Variants in COG5 observed in about 807,000 individuals in gnomAD.
The protein encoded by COG5 is conserved oligomeric Golgi complex subunit 5.
Under a neutral mutation model 110.4 loss-of-function variants are expected in COG5, and 86 were observed. The ratio of observed to expected loss-of-function variants is 0.78; its 90% CI spans 0.65 to 0.93. COG5 has a LOEUF of 0.93. Among genes scored for constraint, COG5 ranks in the 40% least tolerant of loss-of-function variants. The pLI, the probability that COG5 is intolerant of heterozygous loss-of-function variation, is 0.00. For missense variants in COG5, 1,077 were observed against 987.0 expected (o/e 1.09, Z -1.22); for synonymous variants, 360 against 334.6 (o/e 1.08, Z -0.83).
chr7:107,300,606 A>G (rs1360035483), intron 11 of COG5, among the ~76,000 whole-genome samples: 1 of 152,188 alleles, frequency 6.6e-6, no homozygotes, highest in Admixed American at 6.5e-5. Context: ...ATACATAGAT[A>G]TATCTGACAA....
At chr7:107,530,601 CAAAAAAAAAAAAAAA>C (rs953588412) in intron 5 of COG5, among the ~76,000 whole-genome samples, 1 of 47,768 alleles carries the variant, frequency 2.1e-5, no homozygotes, top group Non-Finnish European at 4.0e-5. Context: ...AACTCCATCT[CAAAAAAAAAAAAAAA>C]AAAAAAAAAA....
chr7:107,316,437 T>A (rs1359032666), intron 11 of COG5, among the ~76,000 whole-genome samples: 1 of 151,590 alleles, frequency 6.6e-6, no homozygotes, highest in African/African-American at 2.4e-5. Flanking sequence ...CAGGAAAAAA[T>A]TTCTTAATGA....
chr7:107,541,523 A>AAAAAAAAAAAAT (rs60423657), intron 5 of COG5, among the ~76,000 whole-genome samples: 5 of 57,022 alleles, frequency 8.8e-5, no homozygotes, highest in Admixed American at 4.8e-4. Flanking sequence ...AAAAAAAAAA[A>AAAAAAAAAAAAT]ATATATATAT....
chr7:107,348,869 T>C (rs924697663), intron 10 of COG5, among the ~76,000 whole-genome samples: 1 of 152,102 alleles, frequency 6.6e-6, no homozygotes, highest in African/African-American at 2.4e-5. Context: ...TTTTTCTTTT[T>C]TTTTTTTAAA....
intron 6 of COG5, among the ~76,000 whole-genome samples, chr7:107,457,512 G>A (rs760037803): frequency 2.0e-5 from 3 of 151,948 alleles, no homozygotes; most frequent in East Asian, 1.9e-4. Context: ...CACTGCAAGC[G>A]CCGCCTCCCA....
At chr7:107,423,495 T>A (rs1793431064) in intron 6 of COG5, among the ~76,000 whole-genome samples, 1 of 152,132 alleles carries the variant, frequency 6.6e-6, no homozygotes, top group South Asian at 2.1e-4. Flanking sequence ...GATGTTTTCA[T>A]TATCACTGAA....
At chr7:107,455,650 TGAGA>T (rs968504340) in intron 6 of COG5, among the ~76,000 whole-genome samples, 5 of 152,058 alleles carry the variant, frequency 3.3e-5, no homozygotes, top group African/African-American at 7.3e-5. Context: ...ATAACACCTG[TGAGA>T]GAGAGAGACA....
chr7:107,299,851 A>C (rs1304163713), intron 11 of COG5, among the ~76,000 whole-genome samples: 19 of 134,122 alleles, frequency 1.4e-4, no homozygotes, highest in African/African-American at 5.5e-4. Flanking sequence ...ATATATATAT[A>C]TATATATCTG....
chr7:107,406,609 T>C (rs1472311004), intron 7 of COG5, among the ~76,000 whole-genome samples: 4 of 152,086 alleles, frequency 2.6e-5, no homozygotes, highest in Admixed American at 6.5e-5. Context: ...AGAAAATACT[T>C]TCTTACTTTA....
At chr7:107,543,468 C>A (rs1221907649) in intron 5 of COG5, among the ~76,000 whole-genome samples, 4 of 152,114 alleles carry the variant, frequency 2.6e-5, no homozygotes, top group Non-Finnish European at 4.4e-5. Flanking sequence ...CATCTCCTGG[C>A]CCACTCCAAT....
intron 7 of COG5, among the ~76,000 whole-genome samples, chr7:107,384,620 A>T (rs1332052333): frequency 2.0e-5 from 3 of 152,174 alleles, no homozygotes; most frequent in African/African-American, 7.2e-5. Context: ...CGTTAGCTGA[A>T]CTAAGGAAAA....
intron 6 of COG5, among the ~76,000 whole-genome samples, chr7:107,484,544 C>T (rs1048271532): frequency 2.0e-5 from 3 of 152,094 alleles, no homozygotes; most frequent in Non-Finnish European, 4.4e-5. Context: ...TCTCATGGGC[C>T]TTACCATGTC....
intron 6 of COG5, among the ~76,000 whole-genome samples, chr7:107,502,077 A>C (rs1010719509): frequency 6.6e-6 from 1 of 152,136 alleles, no homozygotes; most frequent in Non-Finnish European, 1.5e-5. Flanking sequence ...TAAATAAATT[A>C]TTTAGTGATG....
chr7:107,262,869 GAACT>G (rs1360446569), intron 14 of COG5, among the ~76,000 whole-genome samples: 1 of 152,154 alleles, frequency 6.6e-6, no homozygotes, highest in Non-Finnish European at 1.5e-5. Flanking sequence ...CTGTAACACG[GAACT>G]AATAATACAG....
intron 12 of COG5, among the ~76,000 whole-genome samples, chr7:107,284,200 A>G (rs1199803996): frequency 2.6e-5 from 4 of 152,214 alleles, no homozygotes; most frequent in Non-Finnish European, 5.9e-5. Context: ...CTGGGATTAC[A>G]CGTGTGAGCA....
At position 107,288,024 on chromosome 7, in the gene COG5, T is replaced by C. The variant is rs116496722; in HGVS notation, c.1314-4292A>G. On this transcript the variant is annotated intron_variant, in intron 12 of 21. Coordinates refer to ENST00000297135, the MANE Select transcript of COG5 (RefSeq NM_006348.5). ...AACATATGTTTTTATTTCCCTTGGGTATACATCTGGAGCGAAACTGCTGGG... is the reference window on the plus strand; with the variant it reads ...AACATATGTTTTTATTTCCCTTGGGCATACATCTGGAGCGAAACTGCTGGG... 2.0e-3 allele frequency among the ~76,000 whole-genome samples: 304 copies of C among 152,206 alleles called. 2 individuals carry two copies. The highest frequency in any genetic ancestry group is 6.9e-3 in the African/African-American group (287 of 41,520).
intron 6 of COG5, among the ~76,000 whole-genome samples, chr7:107,510,709 G>A (rs1799434876): frequency 6.6e-6 from 1 of 152,172 alleles, no homozygotes; most frequent in South Asian, 2.1e-4. Flanking sequence ...AGACCACAGT[G>A]CAATCAAACT....
At chr7:107,442,959 A>G (rs1362647204) in intron 6 of COG5, among the ~76,000 whole-genome samples, 1 of 152,186 alleles carries the variant, frequency 6.6e-6, no homozygotes, top group Non-Finnish European at 1.5e-5. Context: ...ATAATGTTTA[A>G]AAGATGCAAC....
chr7:107,331,618 T>C (rs1440761299), intron 10 of COG5, among the ~76,000 whole-genome samples: 1 of 151,564 alleles, frequency 6.6e-6, no homozygotes, highest in African/African-American at 2.4e-5. Flanking sequence ...AGTAGTAGAG[T>C]AAGAGTGGGC....
Sources: gnomAD v4.1 joint callset for allele counts (sites outside exome capture counted in the v4.1 genomes callset) on GRCh38, gnomAD v4.1.1 for gene constraint, MANE v1.5 for transcripts, NCBI Gene and HGNC (gene_info 2026-07-23, HGNC 2026-07-21) for gene names.